The following DGKB variants were observed in gnomAD, a reference collection of about 807,000 sequenced individuals.
DGKB encodes the protein 90 kDa diacylglycerol kinase.
DGKB carries 67 observed loss-of-function variants against 114.3 expected under a neutral mutation model. The ratio of observed to expected loss-of-function variants is 0.59; its 90% CI spans 0.48 to 0.72. The LOEUF (loss-of-function observed/expected upper bound fraction) is 0.72, where lower values mean the gene tolerates loss of function less well. Ranked by LOEUF, DGKB falls within the 30% of genes least tolerant of loss-of-function variation. The pLI is 0.00. For synonymous variants in DGKB, 398 were observed against 323.1 expected, an observed-to-expected ratio of 1.23 and a Z score of -2.49; for missense variants, 907 against 975.2, an observed-to-expected ratio of 0.93 and a Z score of 0.93.
At chr7:14,155,141 G>A (rs544746268) in intron 25 of DGKB, among the ~76,000 whole-genome samples, 20 of 152,170 alleles carry the variant, frequency 1.3e-4, no homozygotes, top group Non-Finnish European at 2.2e-4. Context: ...TAAGTGGCAA[G>A]ACCAATAAGA....
In DGKB at chr7:14,458,093, A is replaced by G. The variant is rs573176002; in HGVS notation, c.1835+20068T>C. Among the ~76,000 whole-genome samples, 222 of 152,308 alleles carry G rather than the reference A, an allele frequency of 1.5e-3. 1 individual carries two copies. The highest frequency in any genetic ancestry group is 2.5e-3 in the Non-Finnish European group (173 of 68,028). On this transcript the variant is annotated intron_variant, in intron 21 of 25. Coordinates refer to ENST00000402815, the MANE Select transcript of DGKB (RefSeq NM_001350709.2). ...CCTTGATTAAAAAAAACGATGCTCT[A>G]AAGATTCTTTCTCTTTCTGGAATTA...
intron 20 of DGKB, among the ~76,000 whole-genome samples, chr7:14,505,657 C>A (rs1409089620): frequency 1.3e-5 from 2 of 152,202 alleles, no homozygotes; most frequent in Non-Finnish European, 1.5e-5. Flanking sequence ...CTGCCTTAGA[C>A]TATGATGACA....
chr7:14,675,692 T>C (rs535520885), intron 12 of DGKB, among the ~76,000 whole-genome samples: 1 of 151,990 alleles, frequency 6.6e-6, no homozygotes, highest in Admixed American at 6.6e-5. Flanking sequence ...CCCCAAGACA[T>C]AGGAGGATCT....
chr7:14,469,222 A>G (rs1340270314), intron 21 of DGKB, among the ~76,000 whole-genome samples: 1 of 152,014 alleles, frequency 6.6e-6, no homozygotes, highest in Non-Finnish European at 1.5e-5. Flanking sequence ...CCCAAGTTCC[A>G]TTTCTTCATT....
chr7:14,693,162 T>C (rs1237981078), intron 9 of DGKB, among the ~76,000 whole-genome samples: 1 of 152,178 alleles, frequency 6.6e-6, no homozygotes, highest in East Asian at 1.9e-4. Flanking sequence ...GTGAATACTA[T>C]GGTCTTACAC....
chr7:14,216,016 T>C (rs1245856231), intron 23 of DGKB, among the ~76,000 whole-genome samples: 1 of 152,160 alleles, frequency 6.6e-6, no homozygotes, highest in Non-Finnish European at 1.5e-5. Flanking sequence ...AAGTTTTATG[T>C]TAGAACTTTA....
chr7:14,937,349 T>C (rs868313681), intron 1 of DGKB, among the ~76,000 whole-genome samples: 15 of 152,216 alleles, frequency 9.9e-5, no homozygotes, highest in African/African-American at 3.4e-4. Context: ...TGTATATCTA[T>C]ATTTACAAGA....
At chr7:14,529,470 T>A (rs1791200033) in intron 20 of DGKB, among the ~76,000 whole-genome samples, 1 of 151,858 alleles carries the variant, frequency 6.6e-6, no homozygotes, top group Non-Finnish European at 1.5e-5. Context: ...GAAATAAAGA[T>A]CATGTTGATT....
chr7:14,899,312 T>C (rs1782607898), intron 1 of DGKB, among the ~76,000 whole-genome samples: 1 of 152,160 alleles, frequency 6.6e-6, no homozygotes, highest in South Asian at 2.1e-4. Flanking sequence ...CTTTGAATCA[T>C]TGTTTTTCCA....
chr7:14,228,555 C>G (rs1791200461), intron 23 of DGKB, among the ~76,000 whole-genome samples: 1 of 151,930 alleles, frequency 6.6e-6, no homozygotes, highest in African/African-American at 2.4e-5. Context: ...CACACACACT[C>G]ACACACACAG....
intron 20 of DGKB, among the ~76,000 whole-genome samples, chr7:14,546,362 T>G (rs969347721): frequency 6.6e-6 from 1 of 152,152 alleles, no homozygotes; most frequent in Non-Finnish European, 1.5e-5. Context: ...GTGGCTCAAG[T>G]AGAAATATCC....
At chr7:14,264,182 G>A (rs1480555477) in intron 23 of DGKB, among the ~76,000 whole-genome samples, 1 of 152,198 alleles carries the variant, frequency 6.6e-6, no homozygotes, top group African/African-American at 2.4e-5. Context: ...ACAGTGGATT[G>A]ACTGTTATAT....
chr7:14,900,571 C>T (rs997559671), intron 1 of DGKB, among the ~76,000 whole-genome samples: 9 of 151,988 alleles, frequency 5.9e-5, no homozygotes, highest in Admixed American at 3.9e-4. Flanking sequence ...TACAACTCTC[C>T]GTTCTTTCAA....
intron 12 of DGKB, among the ~76,000 whole-genome samples, chr7:14,678,749 T>C (rs1366326856): frequency 6.6e-6 from 1 of 151,886 alleles, no homozygotes; most frequent in East Asian, 1.9e-4. Flanking sequence ...TACCTTCTGT[T>C]AGGGAGATGA....
intron 16 of DGKB, among the ~76,000 whole-genome samples, chr7:14,612,154 C>CATTTTAATTTTATTTTATTTTATTTT (rs1805664162): frequency 2.7e-5 from 4 of 145,798 alleles, no homozygotes; most frequent in African/African-American, 7.5e-5. Flanking sequence ...ATCTTATACT[C>CATTTTAATTTTATTTTATTTTATTTT]ATTTTATTTT....
intron 23 of DGKB, among the ~76,000 whole-genome samples, chr7:14,178,492 C>T (rs1782143136): frequency 1.3e-5 from 2 of 150,584 alleles, no homozygotes; most frequent in African/African-American, 2.4e-5. Context: ...ACCATTTATA[C>T]ATCCCACATC....
chr7:14,958,444 C>CACAT (rs1362883648), intron 1 of DGKB, among the ~76,000 whole-genome samples: 5 of 150,424 alleles, frequency 3.3e-5, no homozygotes, highest in African/African-American at 9.8e-5. Flanking sequence ...CACACACACA[C>CACAT]ACACACACAC....
At chr7:14,624,389 C>G (rs1422392516) in intron 14 of DGKB, among the ~76,000 whole-genome samples, 2 of 152,074 alleles carry the variant, frequency 1.3e-5, no homozygotes, top group Non-Finnish European at 2.9e-5. Flanking sequence ...TTATAAAATG[C>G]TTACACTTGA....
intron 4 of DGKB, among the ~76,000 whole-genome samples, chr7:14,741,406 T>C (rs1429717269): frequency 6.6e-6 from 1 of 152,208 alleles, no homozygotes; most frequent in Non-Finnish European, 1.5e-5. Context: ...CATGTCTTTC[T>C]ATATGGTTCT....
Sources: gnomAD v4.1 joint callset for allele counts (sites outside exome capture counted in the v4.1 genomes callset) on GRCh38, gnomAD v4.1.1 for gene constraint, MANE v1.5 for transcripts, NCBI Gene and HGNC (gene_info 2026-07-23, HGNC 2026-07-21) for gene names.